Variants in CTNNA2 observed in about 807,000 individuals in gnomAD.
The protein encoded by CTNNA2 is catenin alpha-2.
CTNNA2 carries 42 observed loss-of-function variants against 101.0 expected under a neutral mutation model. The observed-to-expected ratio is 0.42, with a 90% CI of 0.32 to 0.54. The LOEUF (loss-of-function observed/expected upper bound fraction) is 0.54, where lower values mean the gene tolerates loss of function less well. CTNNA2 is among the 20% of genes least tolerant of loss of function. The pLI is 0.14. For synonymous variants in CTNNA2, 450 were observed against 456.4 expected, an observed-to-expected ratio of 0.99 and a Z score of 0.18; for missense variants, 871 against 1,223.1, an observed-to-expected ratio of 0.71 and a Z score of 4.29.
chr2:79,638,014 C>T (rs1680194887), intron 1 of CTNNA2, among the ~76,000 whole-genome samples: 1 of 152,198 alleles, frequency 6.6e-6, no homozygotes, highest in South Asian at 2.1e-4. Flanking sequence ...CCATGACTGT[C>T]TGATACACAT....
intron 2 of CTNNA2, among the ~76,000 whole-genome samples, chr2:79,258,707 T>C (rs1190756647): frequency 6.6e-6 from 1 of 152,050 alleles, no homozygotes; most frequent in Admixed American, 6.6e-5. Context: ...AATACAGGAC[T>C]AAGCTCAATG....
chr2:79,216,602 C>T (rs1011029130), intron 2 of CTNNA2, among the ~76,000 whole-genome samples: 1 of 143,900 alleles, frequency 6.9e-6, no homozygotes, highest in African/African-American at 2.6e-5. Flanking sequence ...TTCTTGTCCC[C>T]AGAAAAGCAG....
chr2:79,425,900 G>A (rs899451732), intron 4 of CTNNA2, among the ~76,000 whole-genome samples: 12 of 152,052 alleles, frequency 7.9e-5, no homozygotes, highest in Non-Finnish European at 1.6e-4. Context: ...AATCAAAAGG[G>A]TAGGTTTCTA....
chr2:79,782,687 G>A (rs936421617), intron 3 of CTNNA2, among the ~76,000 whole-genome samples: 140 of 152,278 alleles, frequency 9.2e-4, no homozygotes, highest in African/African-American at 3.2e-3. Context: ...GTACTTAATT[G>A]TTCGGTCTCT....
chr2:79,240,570 C>A (rs79603909), intron 2 of CTNNA2, among the ~76,000 whole-genome samples: 10,650 of 152,148 alleles, frequency 0.07, 478 homozygotes, highest in Admixed American at 0.13. Context: ...TTTTGTTAAT[C>A]TACTGTCAAT....
chr2:80,542,142 T>G (rs866629585), intron 9 of CTNNA2, among the ~76,000 whole-genome samples: 3 of 149,520 alleles, frequency 2.0e-5, no homozygotes, highest in Middle Eastern at 3.4e-3. Flanking sequence ...ATTAGCATGC[T>G]TTAAAATAAT....
At chr2:80,088,540 C>T (rs1055508209) in intron 7 of CTNNA2, among the ~76,000 whole-genome samples, 2 of 152,060 alleles carry the variant, frequency 1.3e-5, no homozygotes, top group African/African-American at 4.8e-5. Flanking sequence ...TATAATGTAT[C>T]TTTAAATATA....
chr2:79,448,328 A>G (rs1348500280), intron 4 of CTNNA2, among the ~76,000 whole-genome samples: 1 of 152,012 alleles, frequency 6.6e-6, no homozygotes, highest in African/African-American at 2.4e-5. Flanking sequence ...TCAAGTGTAG[A>G]TAGATTTTTC....
chr2:80,549,364 T>C (rs1692365130), intron 11 of CTNNA2, among the ~76,000 whole-genome samples: 1 of 152,130 alleles, frequency 6.6e-6, no homozygotes, highest in Admixed American at 6.5e-5. Flanking sequence ...CAGTCTTAAG[T>C]TTATTTTCTT....
At chr2:79,772,106 C>G (rs1014039783) in intron 3 of CTNNA2, among the ~76,000 whole-genome samples, 4 of 150,774 alleles carry the variant, frequency 2.7e-5, no homozygotes, top group Admixed American at 6.6e-5. Context: ...TCATTTCTCT[C>G]TATTCCTCTT....
chr2:80,378,605 C>G (rs771932101), intron 7 of CTNNA2: 9 of 152,048 alleles, frequency 5.9e-5, no homozygotes, highest in Non-Finnish European at 1.0e-4. Context: ...CCAATAGTTT[C>G]CTATAATCAG....
At chr2:79,576,813 T>A (rs2103867255) in intron 1 of CTNNA2, among the ~76,000 whole-genome samples, 1 of 152,268 alleles carries the variant, frequency 6.6e-6, no homozygotes, top group East Asian at 1.9e-4. Context: ...TTTTCATCCA[T>A]AAGTGAAGAA....
At chr2:79,863,379 G>C (rs1182744755) in intron 4 of CTNNA2, among the ~76,000 whole-genome samples, 1 of 152,158 alleles carries the variant, frequency 6.6e-6, no homozygotes, top group Non-Finnish European at 1.5e-5. Flanking sequence ...GGAGAGGGAG[G>C]TCTCAAGATT....
chr2:80,358,041 T>G (rs970180735), intron 7 of CTNNA2, among the ~76,000 whole-genome samples: 2 of 152,170 alleles, frequency 1.3e-5, no homozygotes, highest in Non-Finnish European at 2.9e-5. Context: ...ACTATGTCCT[T>G]CTTGTTCATT....
intron 7 of CTNNA2, among the ~76,000 whole-genome samples, chr2:80,174,295 G>A (rs1705258206): frequency 6.6e-6 from 1 of 152,152 alleles, no homozygotes; most frequent in Non-Finnish European, 1.5e-5. Context: ...GAAAATGGAA[G>A]TTGTTACTAA....
intron 1 of CTNNA2, among the ~76,000 whole-genome samples, chr2:79,584,407 C>T (rs1180970795): frequency 2.0e-5 from 3 of 151,364 alleles, no homozygotes; most frequent in Non-Finnish European, 4.4e-5. Flanking sequence ...ATTATGAATT[C>T]CTGGGTTTTT....
intron 4 of CTNNA2, among the ~76,000 whole-genome samples, chr2:79,444,692 T>C (rs1398883859): frequency 6.6e-6 from 1 of 152,202 alleles, no homozygotes; most frequent in South Asian, 2.1e-4. Flanking sequence ...TCAAAATGTG[T>C]ATGTGTGTCA....
chr2:80,427,227 G>A (rs765473737), intron 9 of CTNNA2, among the ~76,000 whole-genome samples: 5 of 152,108 alleles, frequency 3.3e-5, no homozygotes, highest in Non-Finnish European at 1.5e-5. Context: ...GGATCCTAAA[G>A]GTCACCTTGG....
chr2:79,522,412 A>G (rs1330272779), intron 1 of CTNNA2, among the ~76,000 whole-genome samples: 1 of 152,198 alleles, frequency 6.6e-6, no homozygotes, highest in Non-Finnish European at 1.5e-5. Context: ...TCATAAGTTG[A>G]CAATCTAGTA....
Sources: gnomAD v4.1 joint callset for allele counts (sites outside exome capture counted in the v4.1 genomes callset) on GRCh38, gnomAD v4.1.1 for gene constraint, MANE v1.5 for transcripts, NCBI Gene and HGNC (gene_info 2026-07-23, HGNC 2026-07-21) for gene names.